LIN9: variants seen among roughly 807,000 people sequenced by gnomAD.
LIN9 encodes lin-9 DREAM MuvB core complex component, also known as protein lin-9 homolog.
Under a neutral mutation model 78.0 loss-of-function variants are expected in LIN9, and 18 were observed. That is an observed-to-expected ratio of 0.23 (90% CI 0.16 to 0.34). The LOEUF is 0.34. Ranked by LOEUF, LIN9 falls within the 10% of genes least tolerant of loss-of-function variation. LIN9 has a pLI of 1.00. For missense variants in LIN9, 451 were observed against 644.1 expected, an observed-to-expected ratio of 0.70 and a Z score of 3.25; for synonymous variants, 192 against 215.2, an observed-to-expected ratio of 0.89 and a Z score of 0.94.
At chr1:226,259,554 A>G (rs1364027953) in intron 10 of LIN9, among the ~76,000 whole-genome samples, 1 of 152,220 alleles carries the variant, frequency 6.6e-6, no homozygotes, top group African/African-American at 2.4e-5. Context: ...GCCACAAAAC[A>G]TACCTTAACA....
intron 14 of LIN9, 164 bp downstream of exon 14, chr1:226,232,932 T>G (rs1483469430): frequency 3.9e-6 from 2 of 515,744 alleles, no homozygotes; most frequent in Non-Finnish European, 6.7e-6. Flanking sequence ...CATGTGAAAT[T>G]TCTATTCTGT....
chr1:226,287,796 T>G lies in LIN9; in HGVS notation c.266A>C (p.Lys89Thr). 1.3e-6 allele frequency: 2 copies of G among 1,541,396 alleles called. No homozygotes were observed. Among genetic ancestry groups the G allele is most frequent in the Non-Finnish European group, 1.7e-6 (2 of 1,154,500 alleles). Residue 89 changes from lysine (K) to threonine (T), a missense_variant and splice_region_variant, in exon 5 of 15, where the codon AAA (lysine) becomes ACA (threonine). Lys to Thr is a moderately conservative substitution (Grantham distance 78). Coordinates refer to ENST00000681046, the MANE Select transcript of LIN9 (RefSeq NM_001366245.2). ...RNQRVAMVPQ[K>T]FTATMSTPDK... is the part of the protein sequence containing the mutation. ...TGGTGTTGACATTGTTGCTGTAAAT[T>G]TCTATACAATAAAAAAAAGAGATTA...
chr1:226,245,724 C>T lies in LIN9; in HGVS notation c.1119+5115G>A, dbSNP rs191257261. On this transcript the variant is annotated intron_variant, in intron 11 of 14. Transcript: ENST00000681046. ...GTGATTCTCCTGCCTCAGCCTCCTG[C>T]GTAGCTGGGATTATAGCTGTGTGCC... 1.3e-4 allele frequency among the ~76,000 whole-genome samples: 20 copies of T among 152,062 alleles called. No individual in the cohort carries two copies. In the East Asian group the frequency reaches 2.5e-3, roughly 19 times the overall value.
chr1:226,303,024 G>C (rs1662663434), intron 1 of LIN9, among the ~76,000 whole-genome samples: 1 of 152,136 alleles, frequency 6.6e-6, no homozygotes, highest in Non-Finnish European at 1.5e-5. Context: ...CACCATAAAA[G>C]CTTCTGCATG....
At chr1:226,289,983 GTCTT>G (rs1374313306) in intron 4 of LIN9, among the ~76,000 whole-genome samples, 1 of 151,680 alleles carries the variant, frequency 6.6e-6, no homozygotes, top group African/African-American at 2.4e-5. Flanking sequence ...TGTAGAAAAG[GTCTT>G]TCTGAGCATG....
intron 10 of LIN9, 26 bp from the exon 11 acceptor site, chr1:226,250,945 G>C (rs749917329): frequency 6.0e-6 from 7 of 1,160,546 alleles, no homozygotes; most frequent in Non-Finnish European, 7.6e-6. Flanking sequence ...AAATATTTTA[G>C]AATAAACAGA....
chr1:226,233,407 G>C lies in LIN9; in HGVS notation c.1362C>G (p.Cys454Trp). 1 of 1,613,964 alleles carries C rather than the reference G, an allele frequency of 6.2e-7. No homozygotes were observed. Among genetic ancestry groups the C allele is most frequent in the Non-Finnish European group, 8.5e-7 (1 of 1,179,940 alleles). The change falls in exon 13 of 15, where the codon TGC becomes TGG. Residue 454 changes from cysteine to tryptophan, a missense_variant. Cys to Trp is a radical substitution (Grantham distance 215). Coordinates refer to ENST00000681046, the MANE Select transcript of LIN9 (RefSeq NM_001366245.2). ...RHANSSTGQP[C>W]VENENLTDLI... Reference sequence around the variant, plus strand: ...AGTCTGTCAGATTTTCATTTTCAACGCAGGGCTGTCCTGTTGAGGAATTTG... The same window carrying C: ...AGTCTGTCAGATTTTCATTTTCAACCCAGGGCTGTCCTGTTGAGGAATTTG...
At chr1:226,273,966 T>G (rs1246594266) in intron 7 of LIN9, among the ~76,000 whole-genome samples, 1 of 152,010 alleles carries the variant, frequency 6.6e-6, no homozygotes, top group Non-Finnish European at 1.5e-5. Context: ...GCCTCCCAAG[T>G]AGCTAGGATT....
Position 226,266,284 on chromosome 1 carries a change from GT to G in LIN9, c.864del (p.Lys288AsnfsTer9). 1.2e-6 allele frequency: 2 copies of G among 1,602,720 alleles called. No individual in the cohort carries two copies. Among genetic ancestry groups the G allele is most frequent in the South Asian group, 2.2e-5 (2 of 89,796 alleles). ...ETMPIAAFGQ[K>X]QRPSRFFMTP... ...GTCATAAAAAATCGAGAAGGCCGCT[GT>G]TTTTGTCCAAAGGCAGCAATTGGCA... On this transcript the variant is annotated frameshift_variant, in exon 9 of 15. Transcript: ENST00000681046. LOFTEE classifies it high-confidence loss of function.
At chr1:226,296,078 C>T in intron 3 of LIN9, 132 bp from the exon 4 acceptor site, 1 of 573,692 alleles carries the variant, frequency 1.7e-6, no homozygotes, top group Non-Finnish European at 3.1e-6. Flanking sequence ...GTATGGGCAA[C>T]ACAAAGCACA....
chr1:226,282,267 T>C (rs913236039), intron 6 of LIN9, among the ~76,000 whole-genome samples: 3 of 152,216 alleles, frequency 2.0e-5, no homozygotes, highest in African/African-American at 7.2e-5. Flanking sequence ...TGCCAATCTT[T>C]TACTACTACA....
chr1:226,239,524 G>A (rs900534419), intron 11 of LIN9, among the ~76,000 whole-genome samples: 1 of 152,166 alleles, frequency 6.6e-6, no homozygotes, highest in Non-Finnish European at 1.5e-5. Context: ...TTAAGAGCGT[G>A]GGTATTAGAA....
chr1:226,277,973 C>T, intron 6 of LIN9, 41 bp from the exon 7 acceptor site: 1 of 1,484,032 alleles, frequency 6.7e-7, no homozygotes, highest in South Asian at 1.2e-5. Flanking sequence ...GATAACTACC[C>T]CATATAAAAA....
At chr1:226,235,322 CAAAAAAAAAAA>C (rs375690849) in intron 12 of LIN9, among the ~76,000 whole-genome samples, 19 of 59,684 alleles carry the variant, frequency 3.2e-4, no homozygotes, top group East Asian at 5.5e-4. Context: ...AAATCCGTCT[CAAAAAAAAAAA>C]AAAAAAAAAA....
chr1:226,290,356 T>TTTTTTA, intron 4 of LIN9, among the ~76,000 whole-genome samples: 1 of 151,800 alleles, frequency 6.6e-6, no homozygotes, highest in African/African-American at 2.4e-5. Flanking sequence ...TTTTCTTTTT[T>TTTTTTA]TTGAGATGGA....
intron 1 of LIN9, among the ~76,000 whole-genome samples, chr1:226,303,659 G>A (rs960438150): frequency 6.6e-6 from 1 of 151,850 alleles, no homozygotes; most frequent in Admixed American, 6.6e-5. Context: ...AGGTTGGAGT[G>A]CGGTGGCGCA....
In LIN9 at chr1:226,265,616, CTAA is replaced by C; in HGVS notation, c.952_954del (p.Leu318del). ...ATTTTACTTCTCCACGGCGACTGTC[CTAA>C]TAAAGGATCATTATCCTATGGGAAT... is the stretch of plus-strand genomic sequence containing the variant. On this transcript the variant is annotated inframe_deletion, in exon 10 of 15. Coordinates refer to ENST00000681046, the MANE Select transcript of LIN9 (RefSeq NM_001366245.2). This position sits in a 1 kb window ranked among gnomAD's most constrained non-coding sequence, Gnocchi z 4.1. The C allele has an allele frequency of 6.3e-7, 1 of 1,596,604 alleles. No homozygotes were observed. Among genetic ancestry groups the C allele is most frequent in the Non-Finnish European group, 8.6e-7 (1 of 1,164,514 alleles).
chr1:226,242,770 C>T (rs1658198265), intron 11 of LIN9, among the ~76,000 whole-genome samples: 1 of 152,170 alleles, frequency 6.6e-6, no homozygotes, highest in Admixed American at 6.5e-5. Context: ...GCCTCTGCCA[C>T]CTGAGACAGC....
intron 12 of LIN9, among the ~76,000 whole-genome samples, chr1:226,235,322 CA>C (rs375690849): frequency 2.5e-3 from 148 of 59,668 alleles, no homozygotes; most frequent in African/African-American, 7.4e-3. Context: ...AAATCCGTCT[CA>C]AAAAAAAAAA....
Sources: allele counts gnomAD v4.1 joint callset (sites outside exome capture counted in the v4.1 genomes callset), GRCh38; gene constraint gnomAD v4.1.1; non-coding constraint Gnocchi (gnomAD v3.1); transcripts MANE v1.5; gene names NCBI Gene and HGNC (gene_info 2026-07-23, HGNC 2026-07-21).